Variants in RFPL4B observed in about 807,000 individuals in gnomAD.
The protein encoded by RFPL4B is ret finger protein like 4B.
For synonymous variants in RFPL4B, 118 were observed against 126.3 expected, an observed-to-expected ratio of 0.93 and a Z score of 0.44; for missense variants, 314 against 327.7, an observed-to-expected ratio of 0.96 and a Z score of 0.32.
At chr6:112,349,029 G>A (rs1433582610) in intron 1 of RFPL4B, among the ~76,000 whole-genome samples, 164 bp from the exon 2 acceptor site, 1 of 152,100 alleles carries the variant, frequency 6.6e-6, no homozygotes, top group Non-Finnish European at 1.5e-5. Context: ...TCTTTTATGG[G>A]CTTCTCATTT....
In RFPL4B at chr6:112,349,769, TC is replaced by T. The variant is rs1353362789; in HGVS notation, c.63del (p.Ile22PhefsTer19). On this transcript the variant is annotated frameshift_variant, in exon 3 of 3. Transcript: ENST00000441065. LOFTEE classifies it low-confidence loss of function (END_TRUNC). Reference protein sequence around the residue: ...CPVCLDFFSCSISLSCTHVFC... With the variant: ...CPVCLDFFSCXISLSCTHVFC... ...AGTTTGCCTGGATTTTTTCTCCTGT[TC>T]CATTTCTCTCTCTTGTACACACGTG... 1.2e-6 allele frequency: 2 copies of T among 1,614,028 alleles called. No individual in the cohort carries two copies. The highest frequency in any genetic ancestry group is 2.7e-5 in the African/African-American group (2 of 74,900).
chr6:112,350,174 A>AAGTC lies in RFPL4B; in HGVS notation c.468_471dup (p.Trp158ValfsTer12). On this transcript the variant is annotated frameshift_variant, in exon 3 of 3. Coordinates refer to ENST00000441065, the MANE Select transcript of RFPL4B (RefSeq NM_001013734.3). LOFTEE classifies it low-confidence loss of function (END_TRUNC). ...CTGGGAGGTTGAAGTGGGAGAGGTG[A>AAGTC]AGTCATGGTCCCTGGGCGTCTGCAA... 6.2e-7 allele frequency: 1 copy of AAGTC among 1,614,170 alleles called. No homozygotes were observed. The highest frequency in any genetic ancestry group is 1.1e-5 in the South Asian group (1 of 91,080).
intron 1 of RFPL4B, among the ~76,000 whole-genome samples, chr6:112,348,976 T>G (rs1789116472): frequency 6.6e-6 from 1 of 152,248 alleles, no homozygotes; most frequent in South Asian, 2.1e-4. Flanking sequence ...CTTAGAGTGC[T>G]TTAAAGCATT....
At chr6:112,349,040 T>G (rs1392677861) in intron 1 of RFPL4B, among the ~76,000 whole-genome samples, 153 bp from the exon 2 acceptor site, 1 of 152,248 alleles carries the variant, frequency 6.6e-6, no homozygotes, top group Non-Finnish European at 1.5e-5. Context: ...CTTCTCATTT[T>G]GCAGTGGATT....
In RFPL4B at chr6:112,350,612, A is replaced by G; in HGVS notation, c.*112A>G. On this transcript the variant is annotated 3_prime_UTR_variant, in exon 3 of 3. Transcript: ENST00000441065. ...GTGCTATAGTGCAAAGACTTGGTAA[A>G]TTTTTAAAGTAGATTTTGTAGACTT... 2 of 820,716 alleles carry G rather than the reference A, an allele frequency of 2.4e-6. No homozygotes were observed. Among genetic ancestry groups the G allele is most frequent in the Admixed American group, 5.9e-5 (2 of 33,720 alleles). The allele number at this position is 820,716 out of a possible 1,614,324, so 50.8% of individuals were successfully genotyped here.
Position 112,350,554 on chromosome 6 carries a change from G to C in RFPL4B, c.*54G>C. ...GAGAGGTGAAAGAGAATTTTGGCCT[G>C]AGAAAGGTCAGCATGATTGAGGAAG... On this transcript the variant is annotated 3_prime_UTR_variant, in exon 3 of 3. Transcript: ENST00000441065. 7.2e-7 allele frequency: 1 copy of C among 1,388,044 alleles called. No homozygotes were observed. Among genetic ancestry groups the C allele is most frequent in the South Asian group, 1.4e-5 (1 of 71,686 alleles). 86.0% of individuals were successfully genotyped at this position (1,388,044 alleles called of 1,614,324 possible).
Position 112,350,725 on chromosome 6 carries a change from C to T in RFPL4B, c.*225C>T, listed in dbSNP as rs894055029. 1.7e-5 allele frequency: 8 copies of T among 464,480 alleles called. No homozygotes were observed. In the East Asian group the frequency reaches 2.7e-4, roughly 16 times the overall value. The allele number at this position is 464,480 out of a possible 1,614,324, so 28.8% of individuals were successfully genotyped here. On this transcript the variant is annotated 3_prime_UTR_variant, in exon 3 of 3. Transcript: ENST00000441065. ...GGGTCTTTAGGGATGTTATTAAGTA[C>T]TGTAAGCTTCAGTTTTCTAGTCTGT... is the stretch of plus-strand genomic sequence containing the variant.
chr6:112,348,467 G>C (rs1199619323), intron 1 of RFPL4B, among the ~76,000 whole-genome samples: 1 of 152,200 alleles, frequency 6.6e-6, no homozygotes, highest in Admixed American at 6.5e-5. Flanking sequence ...CTGGGATGTA[G>C]GACAGTTCTA....
At position 112,350,425 on chromosome 6, in the gene RFPL4B, G is replaced by A; in HGVS notation, c.717G>A (p.Glu239=). ...IYTHDGFFSL[E]LLCPFFCLEL... is the part of the protein sequence containing the mutation. ...CACATGATGGTTTCTTCTCTTTGGA[G>A]CTTTTGTGTCCATTCTTCTGTCTTG... Residue 239 remains glutamate (E), a synonymous_variant, in exon 3 of 3, where the codon GAG becomes GAA. Coordinates refer to ENST00000441065, the MANE Select transcript of RFPL4B (RefSeq NM_001013734.3). The A allele has an allele frequency of 6.2e-7, 1 of 1,613,512 alleles. No individual in the cohort carries two copies. The highest frequency in any genetic ancestry group is 8.5e-7 in the Non-Finnish European group (1 of 1,179,672).
At position 112,350,001 on chromosome 6, in the gene RFPL4B, C is replaced by A; in HGVS notation, c.293C>A (p.Thr98Asn). Residue 98 changes from threonine to asparagine, a missense_variant, in exon 3 of 3, where the codon ACC (threonine) becomes AAC (asparagine). Thr to Asn is a moderately conservative substitution (Grantham distance 65, BLOSUM62 0). Coordinates refer to ENST00000441065, the MANE Select transcript of RFPL4B (RefSeq NM_001013734.3). The part of the protein sequence containing the change: ...EELRHFREDV[T>N]LDAATASSLL... ...CTCCGGCATTTTCGGGAGGATGTGACCCTGGATGCAGCCACTGCCAGCTCC... is the reference window on the plus strand; with the variant it reads ...CTCCGGCATTTTCGGGAGGATGTGAACCTGGATGCAGCCACTGCCAGCTCC... The A allele has an allele frequency of 6.2e-7, 1 of 1,614,144 alleles. No homozygotes were observed. Among genetic ancestry groups the A allele is most frequent in the Non-Finnish European group, 8.5e-7 (1 of 1,180,022 alleles).
rs953987505 is a variant in RFPL4B at position 112,350,757 on chromosome 6, G to A, written c.*257G>A. 1.1e-5 allele frequency: 4 copies of A among 379,552 alleles called. No individual in the cohort carries two copies. The highest frequency in any genetic ancestry group is 7.9e-5 in the South Asian group (1 of 12,614). 23.5% of individuals were successfully genotyped at this position (379,552 alleles called of 1,614,324 possible). ...CTTCAGTTTTCTAGTCTGTAGATGC[G>A]GATAATTGTATCTCAGTCAAACAGC... is the stretch of plus-strand genomic sequence containing the variant. On this transcript the variant is annotated 3_prime_UTR_variant, in exon 3 of 3. Coordinates refer to ENST00000441065, the MANE Select transcript of RFPL4B (RefSeq NM_001013734.3).
At chr6:112,348,247 G>C (rs114822618) in intron 1 of RFPL4B, among the ~76,000 whole-genome samples, 2 of 152,224 alleles carry the variant, frequency 1.3e-5, no homozygotes, top group African/African-American at 4.8e-5. Flanking sequence ...AATTGAAAAA[G>C]ATAACAGAAT....
intron 1 of RFPL4B, 39 bp from the exon 2 acceptor site, chr6:112,349,154 T>C (rs187340364): frequency 6.6e-6 from 1 of 152,348 alleles, no homozygotes; most frequent in East Asian, 1.9e-4. Flanking sequence ...ATTTTCATTA[T>C]TGAATTTAGA....
rs754884037 is a variant in RFPL4B, at chr6:112,350,737, GT to G, written c.*241del. ...ATGTTATTAAGTACTGTAAGCTTCA[GT>G]TTTCTAGTCTGTAGATGCGGATAAT... On this transcript the variant is annotated 3_prime_UTR_variant, in exon 3 of 3. Transcript: ENST00000441065. The G allele has an allele frequency of 3.9e-5, 17 of 434,266 alleles. No individual in the cohort carries two copies. The highest frequency in any genetic ancestry group is 6.3e-5 in the Non-Finnish European group (15 of 237,376). The allele number at this position is 434,266 out of a possible 1,614,324, so 26.9% of individuals were successfully genotyped here.
Position 112,350,415 on chromosome 6 carries a change from T to A in RFPL4B, c.707T>A (p.Phe236Tyr). ...NVLIYTHDGF[F>Y]SLELLCPFFC... Reference sequence around the variant, plus strand: ...CTCATCTATACACATGATGGTTTCTTCTCTTTGGAGCTTTTGTGTCCATTC... The same window carrying A: ...CTCATCTATACACATGATGGTTTCTACTCTTTGGAGCTTTTGTGTCCATTC... The change falls in exon 3 of 3, where the codon TTC becomes TAC. Residue 236 changes from phenylalanine (F) to tyrosine (Y), a missense_variant. Phe to Tyr is a conservative substitution (Grantham distance 22). Transcript: ENST00000441065. The A allele has an allele frequency of 1.2e-6, 2 of 1,613,846 alleles. No homozygotes were observed. The highest frequency in any genetic ancestry group is 1.7e-6 in the Non-Finnish European group (2 of 1,179,868).
rs775719573 is a variant in RFPL4B at position 112,350,480 on chromosome 6, G to A, written c.772G>A (p.Val258Ile). ...CTTGGGAGAAGGGGAGAGTGGCAAC[G>A]TCCTGACCATCTGCCCATGAGAAAG... ...ELLGEGESGN[V>I]LTICP Residue 258 changes from valine (V) to isoleucine (I), a missense_variant, in exon 3 of 3, where the codon GTC (valine) becomes ATC (isoleucine). Val to Ile is a conservative substitution (Grantham distance 29, BLOSUM62 3). Coordinates refer to ENST00000441065, the MANE Select transcript of RFPL4B (RefSeq NM_001013734.3). The A allele has an allele frequency of 3.0e-5, 47 of 1,590,376 alleles. No individual in the cohort carries two copies. The East Asian group carries it at 9.0e-4, about 30-fold the overall frequency.
intron 1 of RFPL4B, among the ~76,000 whole-genome samples, 170 bp from the exon 2 acceptor site, chr6:112,349,023 T>C (rs1173807541): frequency 6.6e-6 from 1 of 152,244 alleles, no homozygotes; most frequent in Non-Finnish European, 1.5e-5. Context: ...CTTGATTCTT[T>C]TATGGGCTTC....
In RFPL4B at chr6:112,349,795, G is replaced by A; in HGVS notation, c.87G>A (p.Val29=). The part of the protein sequence containing the change: ...SCSISLSCTH[V]FCFDCIQRYI... ...CCATTTCTCTCTCTTGTACACACGT[G>A]TTCTGCTTTGATTGCATCCAGAGGT... The change falls in exon 3 of 3, where the codon GTG becomes GTA. Residue 29 remains valine (V), a synonymous_variant. Transcript: ENST00000441065. 1 of 1,614,086 alleles carries A rather than the reference G, an allele frequency of 6.2e-7. No individual in the cohort carries two copies. The highest frequency in any genetic ancestry group is 8.5e-7 in the Non-Finnish European group (1 of 1,180,024).
rs1201196978 is a variant in RFPL4B, at chr6:112,350,018, G to T, written c.310G>T (p.Ala104Ser). The T allele has an allele frequency of 1.2e-6, 2 of 1,614,088 alleles. No homozygotes were observed. Among genetic ancestry groups the T allele is most frequent in the Non-Finnish European group, 1.7e-6 (2 of 1,180,040 alleles). Residue 104 changes from alanine (A) to serine (S), a missense_variant, in exon 3 of 3, where the codon GCC becomes TCC. Coordinates refer to ENST00000441065, the MANE Select transcript of RFPL4B (RefSeq NM_001013734.3). ...REDVTLDAAT[A>S]SSLLVFSNDL... ...GGATGTGACCCTGGATGCAGCCACT[G>T]CCAGCTCCCTCCTTGTCTTCTCCAA...
Sources: allele counts gnomAD v4.1 joint callset (sites outside exome capture counted in the v4.1 genomes callset), GRCh38; gene constraint gnomAD v4.1.1; transcripts MANE v1.5; gene names NCBI Gene and HGNC (gene_info 2026-07-23, HGNC 2026-07-21).